Variants in AGMO observed in about 807,000 individuals in gnomAD.
The protein encoded by AGMO is alkylglycerol monooxygenase, also known as glyceryl-ether monooxygenase.
Under a neutral mutation model 60.2 loss-of-function variants are expected in AGMO, and 75 were observed. That is an observed-to-expected ratio of 1.25 (90% confidence interval 1.03 to 1.51). The LOEUF (loss-of-function observed/expected upper bound fraction) is 1.51, where lower values mean the gene tolerates loss of function less well. AGMO is among the 40% of genes most tolerant of loss of function. The pLI is 0.00. For synonymous variants in AGMO, 261 were observed against 177.1 expected (o/e 1.47, Z -3.76); for missense variants, 763 against 525.5 (o/e 1.45, Z -4.42).
the AGMO span, among the ~76,000 whole-genome samples, chr7:15,148,439 A>G: frequency 2.6e-5 from 4 of 152,108 alleles, no homozygotes; most frequent in Non-Finnish European, 5.9e-5. Context: ...CCAGGTAGTG[A>G]GCATGGTACC....
chr7:15,331,211 T>A (rs969102483), intron 12 of AGMO, among the ~76,000 whole-genome samples: 6 of 152,162 alleles, frequency 3.9e-5, no homozygotes, highest in Non-Finnish European at 8.8e-5. Flanking sequence ...CAAGAAAGAA[T>A]GAAACTGCAA....
intron 4 of AGMO, among the ~76,000 whole-genome samples, chr7:15,420,607 G>A (rs1780898113): frequency 6.6e-6 from 1 of 152,082 alleles, no homozygotes; most frequent in Non-Finnish European, 1.5e-5. Flanking sequence ...AGTAAATGTG[G>A]TCCAGGTAGG....
chr7:15,418,398 T>A (rs1780834038), intron 5 of AGMO, among the ~76,000 whole-genome samples, 160 bp downstream of exon 5: 1 of 152,026 alleles, frequency 6.6e-6, no homozygotes, highest in African/African-American at 2.4e-5. Flanking sequence ...AACTTTGCAA[T>A]ATATATTCAC....
the AGMO span, among the ~76,000 whole-genome samples, chr7:15,190,127 TTATATATA>T: frequency 2.0e-3 from 3 of 1,524 alleles, no homozygotes; most frequent in Non-Finnish European, 2.6e-3. Context: ...ATATATATAT[TTATATATA>T]TATATATATA....
At position 15,466,260 on chromosome 7, in the gene AGMO, T is replaced by C. The variant is rs536953000; in HGVS notation, c.410-35152A>G. On this transcript the variant is annotated intron_variant, in intron 3 of 12. Coordinates refer to ENST00000342526, the MANE Select transcript of AGMO (RefSeq NM_001004320.2). ...AGTGTAGAAATGGAGCACAGAGAAA[T>C]GAAGTAAATTGTTCAAAACACAAAG... is the stretch of plus-strand genomic sequence containing the variant. Among the ~76,000 whole-genome samples the C allele has an allele frequency of 1.1e-3, 163 of 152,246 alleles. 2 individuals carry two copies. The highest frequency in any genetic ancestry group is 3.7e-3 in the African/African-American group (155 of 41,554).
intron 12 of AGMO, among the ~76,000 whole-genome samples, chr7:15,277,241 G>A (rs1783824197): frequency 6.6e-6 from 1 of 151,876 alleles, no homozygotes; most frequent in African/African-American, 2.4e-5. Flanking sequence ...GGAGGCAGAG[G>A]TGTCAGTGAG....
intron 3 of AGMO, among the ~76,000 whole-genome samples, chr7:15,433,627 C>G (rs774917464): frequency 2.0e-5 from 3 of 151,950 alleles, no homozygotes; most frequent in African/African-American, 2.4e-5. Context: ...GATGAATTAT[C>G]TGTTTTAAGA....
intron 3 of AGMO, among the ~76,000 whole-genome samples, chr7:15,471,744 T>C (rs1782454953): frequency 6.6e-6 from 1 of 151,940 alleles, no homozygotes; most frequent in South Asian, 2.1e-4. Flanking sequence ...AGATAATGTT[T>C]CACCTGTGAG....
chr7:15,436,880 T>C (rs962701938), intron 3 of AGMO, among the ~76,000 whole-genome samples: 6 of 152,142 alleles, frequency 3.9e-5, no homozygotes, highest in African/African-American at 1.2e-4. Context: ...TATTAAATGA[T>C]AGTGCGAAAT....
At chr7:15,470,109 A>AATTAGG (rs1225615878) in intron 3 of AGMO, among the ~76,000 whole-genome samples, 1 of 152,048 alleles carries the variant, frequency 6.6e-6, no homozygotes, top group Admixed American at 6.6e-5. Context: ...GATGTAGAAG[A>AATTAGG]ATTAGGAGAT....
At chr7:15,536,963 G>A (rs1322103435) in intron 3 of AGMO, among the ~76,000 whole-genome samples, 1 of 151,740 alleles carries the variant, frequency 6.6e-6, no homozygotes, top group Non-Finnish European at 1.5e-5. Context: ...GTGTGCTAAT[G>A]CATCATGCAT....
chr7:15,431,531 A>C (rs1290279241), intron 3 of AGMO, among the ~76,000 whole-genome samples: 1 of 151,850 alleles, frequency 6.6e-6, no homozygotes, highest in East Asian at 1.9e-4. Flanking sequence ...TGATGGGAGA[A>C]ATTGGTATGG....
intron 3 of AGMO, among the ~76,000 whole-genome samples, chr7:15,482,206 T>C (rs555542497): frequency 4.6e-5 from 7 of 152,034 alleles, no homozygotes; most frequent in Non-Finnish European, 1.0e-4. Flanking sequence ...TGTGTGGTAC[T>C]CAACCAGACC....
intron 3 of AGMO, among the ~76,000 whole-genome samples, chr7:15,433,360 A>G (rs10267969): frequency 0.061 from 9,233 of 152,158 alleles, 376 homozygotes; most frequent in African/African-American, 0.11. Flanking sequence ...GCCTCATTCA[A>G]TGAGGTACAG....
At chr7:15,510,481 A>G (rs943967466) in intron 3 of AGMO, among the ~76,000 whole-genome samples, 1 of 151,832 alleles carries the variant, frequency 6.6e-6, no homozygotes. Flanking sequence ...CCTGGCCCTA[A>G]GCATCTGTTT....
intron 3 of AGMO, among the ~76,000 whole-genome samples, chr7:15,483,732 T>A (rs899292012): frequency 6.6e-6 from 1 of 152,170 alleles, no homozygotes; most frequent in African/African-American, 2.4e-5. Context: ...GAAAACTTGA[T>A]TCTGTAAAGA....
At chr7:15,136,401 C>T in the AGMO span, among the ~76,000 whole-genome samples, 2 of 152,170 alleles carry the variant, frequency 1.3e-5, no homozygotes, top group Non-Finnish European at 2.9e-5. Context: ...GTCAGCTGCA[C>T]TATTCCATTT....
the AGMO span, among the ~76,000 whole-genome samples, chr7:15,181,257 T>C: frequency 1.3e-5 from 2 of 152,344 alleles, no homozygotes; most frequent in East Asian, 3.9e-4. Context: ...CTGGCTATTA[T>C]CACTTCATGC....
At chr7:15,182,797 G>C in the AGMO span, among the ~76,000 whole-genome samples, 1 of 152,116 alleles carries the variant, frequency 6.6e-6, no homozygotes, top group African/African-American at 2.4e-5. Context: ...AAGGAAAACA[G>C]GTTTAATTGG....
Sources: allele counts gnomAD v4.1 joint callset (sites outside exome capture counted in the v4.1 genomes callset), GRCh38; gene constraint gnomAD v4.1.1; transcripts MANE v1.5; gene names NCBI Gene and HGNC (gene_info 2026-07-23, HGNC 2026-07-21).